RIMS1: variants seen among roughly 807,000 people sequenced by gnomAD.
RIMS1 encodes regulating synaptic membrane exocytosis 1, also known as regulating synaptic membrane exocytosis protein 1.
RIMS1 carries 83 observed loss-of-function variants against 214.1 expected under a neutral mutation model. That is an observed-to-expected ratio of 0.39 (90% CI 0.32 to 0.47). The LOEUF is 0.47. Among genes scored for constraint, RIMS1 ranks in the 20% least tolerant of loss-of-function variants. The pLI is 0.99. For missense variants in RIMS1, 2,050 were observed against 2,161.8 expected, an observed-to-expected ratio of 0.95 and a Z score of 1.03; for synonymous variants, 793 against 786.8, an observed-to-expected ratio of 1.01 and a Z score of -0.13.
intron 28 of RIMS1, among the ~76,000 whole-genome samples, chr6:72,321,203 A>G (rs1358963104): frequency 6.6e-6 from 1 of 152,104 alleles, no homozygotes; most frequent in Non-Finnish European, 1.5e-5. Flanking sequence ...TAGTTGTATT[A>G]TTTGTTACTT....
intron 30 of RIMS1, among the ~76,000 whole-genome samples, chr6:72,391,186 A>G (rs1029339194): frequency 3.3e-5 from 5 of 152,120 alleles, no homozygotes; most frequent in African/African-American, 1.2e-4. Flanking sequence ...ACACTGTCAT[A>G]TATGTAAGTT....
At chr6:72,198,600 G>C (rs1010541231) in intron 6 of RIMS1, among the ~76,000 whole-genome samples, 3 of 151,882 alleles carry the variant, frequency 2.0e-5, no homozygotes, top group Non-Finnish European at 2.9e-5. Flanking sequence ...AGTAGAGTAA[G>C]TATACTATAG....
At chr6:72,223,745 A>G (rs2059274770) in intron 6 of RIMS1, among the ~76,000 whole-genome samples, 1 of 151,996 alleles carries the variant, frequency 6.6e-6, no homozygotes, top group Non-Finnish European at 1.5e-5. Flanking sequence ...CAGGAAATCG[A>G]GACCATCCTG....
chr6:72,095,112 G>T (rs921209177), intron 2 of RIMS1, among the ~76,000 whole-genome samples: 2 of 110,172 alleles, frequency 1.8e-5, no homozygotes, highest in African/African-American at 3.2e-5. Flanking sequence ...CACCACGCCC[G>T]ACTATTTTTT....
chr6:72,241,287 C>G (rs2066796404), intron 9 of RIMS1, among the ~76,000 whole-genome samples: 1 of 152,074 alleles, frequency 6.6e-6, no homozygotes, highest in African/African-American at 2.4e-5. Flanking sequence ...ATAAAATGTT[C>G]TAGACACTGA....
intron 25 of RIMS1, 103 bp from the exon 26 acceptor site, chr6:72,291,830 AG>A (rs1592220484): frequency 3.7e-6 from 3 of 812,476 alleles, no homozygotes; most frequent in Non-Finnish European, 6.3e-6. Context: ...TGGCCCAGTG[AG>A]GGGGTTTATG....
At chr6:72,257,233 T>A (rs558052632) in intron 16 of RIMS1, among the ~76,000 whole-genome samples, 2 of 152,062 alleles carry the variant, frequency 1.3e-5, no homozygotes, top group African/African-American at 4.8e-5. Flanking sequence ...ATTTTTTTAT[T>A]TTCCTTATGA....
intron 2 of RIMS1, among the ~76,000 whole-genome samples, chr6:71,999,097 T>A (rs1414143722): frequency 6.6e-6 from 1 of 152,136 alleles, no homozygotes; most frequent in Non-Finnish European, 1.5e-5. Context: ...TCTCTGACTA[T>A]AGAAATATCT....
At position 72,252,689 on chromosome 6, in the gene RIMS1, G is replaced by T. The variant is rs541311757; in HGVS notation, c.2699-72G>T. On this transcript the variant is annotated intron_variant, in intron 15 of 33. Coordinates refer to ENST00000521978, the MANE Select transcript of RIMS1 (RefSeq NM_014989.7). ...TAATGCAATTCACTTTTTAAAAAAA[G>T]TTTGACAGTGCTCTTTACGTTTCAT... The T allele has an allele frequency of 2.7e-5, 35 of 1,281,936 alleles. 1 individual carries two copies. In the East Asian group the frequency reaches 8.6e-4, roughly 31 times the overall value. 79.4% of individuals were successfully genotyped at this position (1,281,936 alleles called of 1,614,324 possible). A position where few individuals can be genotyped will look rare whatever the true frequency, so the allele number is the denominator to read the frequency against.
At chr6:72,367,691 C>T (rs2098082019) in intron 29 of RIMS1, among the ~76,000 whole-genome samples, 1 of 152,068 alleles carries the variant, frequency 6.6e-6, no homozygotes, top group Non-Finnish European at 1.5e-5. Context: ...GTCTTACATA[C>T]ATATATATAT....
At chr6:72,167,067 G>A (rs903247380) in intron 4 of RIMS1, among the ~76,000 whole-genome samples, 2 of 151,648 alleles carry the variant, frequency 1.3e-5, no homozygotes, top group Non-Finnish European at 2.9e-5. Context: ...GTTTTTTGAT[G>A]ATTACTTTAT....
chr6:72,262,225 A>G, intron 19 of RIMS1: 1 of 774,246 alleles, frequency 1.3e-6, no homozygotes, highest in Non-Finnish European at 1.6e-6. Flanking sequence ...ATATACTTAT[A>G]TAATATTATA....
intron 4 of RIMS1, among the ~76,000 whole-genome samples, chr6:72,140,244 C>T (rs2041919670): frequency 6.6e-6 from 1 of 151,974 alleles, no homozygotes; most frequent in Non-Finnish European, 1.5e-5. Flanking sequence ...CACTTTAATG[C>T]TTTTAAATGT....
At chr6:72,315,672 T>C (rs2095742106) in intron 28 of RIMS1, among the ~76,000 whole-genome samples, 1 of 151,940 alleles carries the variant, frequency 6.6e-6, no homozygotes, top group African/African-American at 2.4e-5. Flanking sequence ...CATATTCTCA[T>C]AGACACACAT....
intron 2 of RIMS1, among the ~76,000 whole-genome samples, chr6:72,005,380 T>G (rs1270388872): frequency 6.6e-6 from 1 of 152,186 alleles, no homozygotes; most frequent in Non-Finnish European, 1.5e-5. Flanking sequence ...ATATGAACAT[T>G]AAAGTAGTTT....
At chr6:72,277,201 C>T (rs1360559756) in intron 23 of RIMS1, among the ~76,000 whole-genome samples, 1 of 152,176 alleles carries the variant, frequency 6.6e-6, no homozygotes, top group Non-Finnish European at 1.5e-5. Flanking sequence ...ACCATTTCTC[C>T]ATAATTTAAC....
At chr6:72,327,910 A>G (rs898978999) in intron 28 of RIMS1, among the ~76,000 whole-genome samples, 7 of 151,808 alleles carry the variant, frequency 4.6e-5, no homozygotes, top group African/African-American at 1.7e-4. Context: ...TTAATTCTCT[A>G]TGCTAGAATT....
intron 6 of RIMS1, among the ~76,000 whole-genome samples, chr6:72,200,006 T>A (rs1472321617): frequency 6.6e-6 from 1 of 152,066 alleles, no homozygotes; most frequent in African/African-American, 2.4e-5. Context: ...AAGCTCTTAT[T>A]TATTTTAATT....
chr6:71,995,547 GT>G (rs1803170105), intron 2 of RIMS1, among the ~76,000 whole-genome samples: 1 of 151,446 alleles, frequency 6.6e-6, no homozygotes, highest in Admixed American at 6.6e-5. Flanking sequence ...TACTGGATGT[GT>G]TCTAGATTAT....
Sources: allele counts gnomAD v4.1 joint callset (sites outside exome capture counted in the v4.1 genomes callset), GRCh38; gene constraint gnomAD v4.1.1; transcripts MANE v1.5; gene names NCBI Gene and HGNC (gene_info 2026-07-23, HGNC 2026-07-21).